The following LPP variants were observed in gnomAD, a reference collection of about 807,000 sequenced individuals.
LPP encodes the protein LIM domain containing preferred translocation partner in lipoma.
In LPP, 38 loss-of-function variants were observed where a neutral mutation model predicts 60.4. The observed-to-expected ratio is 0.63, with a 90% CI of 0.49 to 0.83. The LOEUF (loss-of-function observed/expected upper bound fraction) is 0.83. Among genes scored for constraint, LPP ranks in the 40% least tolerant of loss-of-function variants. The pLI, the probability that LPP is intolerant of heterozygous loss-of-function variation, is 0.00. For missense variants in LPP, 902 were observed against 783.6 expected, an observed-to-expected ratio of 1.15 and a Z score of -1.80; for synonymous variants, 328 against 290.8, an observed-to-expected ratio of 1.13 and a Z score of -1.30.
At chr3:188,288,144 T>G (rs915867173) in intron 2 of LPP, among the ~76,000 whole-genome samples, 2 of 152,232 alleles carry the variant, frequency 1.3e-5, no homozygotes, top group Non-Finnish European at 2.9e-5. Context: ...AGATTTGGCT[T>G]TTTTGTTTTG....
intron 4 of LPP, among the ~76,000 whole-genome samples, chr3:188,407,768 GTTTT>G (rs760058728): frequency 2.1e-3 from 126 of 61,280 alleles, no homozygotes; most frequent in South Asian, 8.9e-3. Context: ...CTCATTTATG[GTTTT>G]TTTTTTTGTT....
At chr3:188,196,063 C>G (rs1443855261) in intron 1 of LPP, among the ~76,000 whole-genome samples, 1 of 152,154 alleles carries the variant, frequency 6.6e-6, no homozygotes, top group Non-Finnish European at 1.5e-5. Flanking sequence ...TAGCAGTGCT[C>G]TTATTTGGCA....
At chr3:188,215,964 G>T (rs1713392973) in intron 1 of LPP, among the ~76,000 whole-genome samples, 1 of 152,116 alleles carries the variant, frequency 6.6e-6, no homozygotes. Flanking sequence ...TTTGTATTGG[G>T]CTCTAGGAAG....
intron 8 of LPP, among the ~76,000 whole-genome samples, chr3:188,722,214 G>A (rs1050322554): frequency 6.6e-6 from 1 of 152,176 alleles, no homozygotes; most frequent in Non-Finnish European, 1.5e-5. Flanking sequence ...ATATGATGAA[G>A]AATACCATGC....
Position 188,875,178 on chromosome 3 carries a change from T to G in LPP, c.*699T>G, listed in dbSNP as rs888061949. The stretch of plus-strand genomic sequence containing the variant: ...AATAAGTAGTGACAGACAACCAAGC[T>G]TCAATATTTTTCTAAAGAAATTACA... On this transcript the variant is annotated 3_prime_UTR_variant, in exon 12 of 12. Transcript: ENST00000617246. 4.6e-6 allele frequency: 1 copy of G among 217,366 alleles called. No individual in the cohort carries two copies. The highest frequency in any genetic ancestry group is 9.2e-6 in the Non-Finnish European group (1 of 108,140). The allele number at this position is 217,366 out of a possible 1,614,324, so 13.5% of individuals were successfully genotyped here.
At chr3:188,210,642 C>T (rs539628910) in intron 1 of LPP, among the ~76,000 whole-genome samples, 6 of 152,186 alleles carry the variant, frequency 3.9e-5, no homozygotes, top group African/African-American at 1.4e-4. Context: ...AAACTGATCT[C>T]CAAATGTTTG....
At chr3:188,753,928 A>C (rs538904591) in intron 8 of LPP, among the ~76,000 whole-genome samples, 3 of 152,286 alleles carry the variant, frequency 2.0e-5, no homozygotes, top group Admixed American at 6.5e-5. Flanking sequence ...ACAGAACTAC[A>C]TGTGTCCTAC....
intron 9 of LPP, among the ~76,000 whole-genome samples, chr3:188,770,165 A>ATTATTTTTTTTTTTTTTTTTT (rs1560181309): frequency 8.1e-6 from 1 of 122,986 alleles, no homozygotes; most frequent in Non-Finnish European, 1.7e-5. Context: ...CATAGTTATA[A>ATTATTTTTTTTTTTTTTTTTT]TTCTTTTTTT....
intron 6 of LPP, among the ~76,000 whole-genome samples, chr3:188,525,284 T>A (rs1422025476): frequency 6.6e-6 from 1 of 152,208 alleles, no homozygotes; most frequent in Non-Finnish European, 1.5e-5. Context: ...TTTCTTGATC[T>A]TCTTAGAGTC....
At chr3:188,830,850 A>G (rs1475728568) in intron 9 of LPP, among the ~76,000 whole-genome samples, 6 of 152,160 alleles carry the variant, frequency 3.9e-5, no homozygotes, top group African/African-American at 1.2e-4. Context: ...ATTCATTTAC[A>G]TTGTGTGCTT....
chr3:188,405,958 T>C (rs747485490), intron 3 of LPP, among the ~76,000 whole-genome samples, 154 bp from the exon 4 acceptor site: 6 of 152,236 alleles, frequency 3.9e-5, no homozygotes, highest in Non-Finnish European at 8.8e-5. Flanking sequence ...CCTCTGCCTC[T>C]TCATTTTTCT....
At chr3:188,278,158 T>C (rs1176016375) in intron 2 of LPP, among the ~76,000 whole-genome samples, 3 of 152,238 alleles carry the variant, frequency 2.0e-5, no homozygotes, top group Non-Finnish European at 4.4e-5. Context: ...GCCTATGCAG[T>C]AGATACTAGT....
chr3:188,232,285 C>G (rs1403147216), intron 2 of LPP, among the ~76,000 whole-genome samples: 1 of 152,046 alleles, frequency 6.6e-6, no homozygotes, highest in Non-Finnish European at 1.5e-5. Context: ...CTGGCCAGAA[C>G]GTGAATTCTA....
rs1323862990 is a variant in LPP at position 188,610,453 on chromosome 3, G to A, written c.1113+609G>A. ...GGTCTAAGATAATGCAAATGCCTTGGACAGTTTCTCCTTTGAGAAGGGGCT... is the reference window on the plus strand; with the variant it reads ...GGTCTAAGATAATGCAAATGCCTTGAACAGTTTCTCCTTTGAGAAGGGGCT... On this transcript the variant is annotated intron_variant, in intron 7 of 11. Coordinates refer to ENST00000617246, the MANE Select transcript of LPP (RefSeq NM_001375462.1). The surrounding 1 kb of genome is among the most constrained non-coding windows in gnomAD (Gnocchi z 4.4). Among the ~76,000 whole-genome samples, 2 of 152,214 alleles carry A rather than the reference G, an allele frequency of 1.3e-5. No individual in the cohort carries two copies. The highest frequency in any genetic ancestry group is 4.8e-5 in the African/African-American group (2 of 41,464).
intron 4 of LPP, among the ~76,000 whole-genome samples, chr3:188,477,857 TTAAA>T (rs1448662540): frequency 6.6e-6 from 1 of 152,184 alleles, no homozygotes; most frequent in Non-Finnish European, 1.5e-5. Context: ...GTATACATTA[TTAAA>T]TAAATGATAA....
At chr3:188,453,815 G>A (rs896638257) in intron 4 of LPP, among the ~76,000 whole-genome samples, 3 of 151,958 alleles carry the variant, frequency 2.0e-5, no homozygotes, top group Admixed American at 6.6e-5. Flanking sequence ...AGGCTTCTTA[G>A]CATTCTACAG....
chr3:188,519,422 T>C (rs1818278818), intron 5 of LPP, among the ~76,000 whole-genome samples: 1 of 152,184 alleles, frequency 6.6e-6, no homozygotes, highest in Non-Finnish European at 1.5e-5. Flanking sequence ...AAATCAAAAA[T>C]CAGCTAGGAG....
intron 7 of LPP, among the ~76,000 whole-genome samples, chr3:188,612,414 T>G (rs1283410523): frequency 6.6e-6 from 1 of 152,224 alleles, no homozygotes; most frequent in Admixed American, 6.5e-5. Flanking sequence ...TTATATTGAC[T>G]GTTTGGCTTA....
At chr3:188,240,579 C>T (rs1237868643) in intron 2 of LPP, among the ~76,000 whole-genome samples, 2 of 152,102 alleles carry the variant, frequency 1.3e-5, no homozygotes, top group Non-Finnish European at 2.9e-5. Flanking sequence ...ACTCATTCCA[C>T]TGTTATTGAG....
Sources: allele counts gnomAD v4.1 joint callset (sites outside exome capture counted in the v4.1 genomes callset), GRCh38; gene constraint gnomAD v4.1.1; non-coding constraint Gnocchi (gnomAD v3.1); transcripts MANE v1.5; gene names NCBI Gene and HGNC (gene_info 2026-07-23, HGNC 2026-07-21).